The following HTATIP2 variants were observed in gnomAD, a reference collection of about 807,000 sequenced individuals.
HTATIP2 encodes the protein protein HTATIP2.
A neutral mutation model predicts 24.7 loss-of-function variants in HTATIP2; 26 were observed. That is an observed-to-expected ratio of 1.05 (90% CI 0.77 to 1.46). The LOEUF (loss-of-function observed/expected upper bound fraction) is 1.46, where lower values mean the gene tolerates loss of function less well. HTATIP2 is among the 40% of genes most tolerant of loss of function. HTATIP2 has a pLI of 0.00. For missense variants in HTATIP2, 284 were observed against 289.6 expected, an observed-to-expected ratio of 0.98 and a Z score of 0.14; for synonymous variants, 99 against 113.2, an observed-to-expected ratio of 0.87 and a Z score of 0.79.
rs1397983120 is a variant in HTATIP2, at chr11:20,383,099, G to A, written c.623G>A (p.Arg208Lys). ...GHSVPVVTVV[R>K]AMLNNVVRPR... is the part of the protein sequence containing the mutation. ...TCTGTGCCTGTGGTGACCGTGGTTA[G>A]AGCAATGCTGAACAATGTGGTGAGA... Residue 208 changes from arginine to lysine, a missense_variant, in exon 5 of 5, where the codon AGA (arginine) becomes AAA (lysine). By Grantham distance (26) the Arg-to-Lys change is conservative. Coordinates refer to ENST00000451739, the MANE Select transcript of HTATIP2 (RefSeq NM_001098522.2). 1 of 1,614,018 alleles carries A rather than the reference G, an allele frequency of 6.2e-7. No homozygotes were observed. The highest frequency in any genetic ancestry group is 8.5e-7 in the Non-Finnish European group (1 of 1,180,020).
intron 2 of HTATIP2, among the ~76,000 whole-genome samples, chr11:20,372,210 A>C (rs933893162): frequency 6.6e-6 from 1 of 152,148 alleles, no homozygotes; most frequent in African/African-American, 2.4e-5. Flanking sequence ...CAGCCTCCTG[A>C]GTAGCTGGGA....
chr11:20,367,537 A>G, intron 2 of HTATIP2: 2 of 1,429,228 alleles, frequency 1.4e-6, no homozygotes, highest in Non-Finnish European at 1.8e-6. Context: ...GCCTATTGTG[A>G]TTATCGCTAT....
intron 2 of HTATIP2, among the ~76,000 whole-genome samples, chr11:20,373,877 G>A (rs1351598241): frequency 6.6e-6 from 1 of 152,216 alleles, no homozygotes; most frequent in African/African-American, 2.4e-5. Flanking sequence ...AAATTGGTTT[G>A]CTTTACACTA....
chr11:20,372,789 T>C (rs1383240060), intron 2 of HTATIP2, among the ~76,000 whole-genome samples: 4 of 152,206 alleles, frequency 2.6e-5, no homozygotes, highest in Non-Finnish European at 4.4e-5. Flanking sequence ...ATAAAGGGCA[T>C]GAATAAGATT....
chr11:20,363,912 G>T lies in HTATIP2; in HGVS notation c.-326G>T. The T allele has an allele frequency of 8.0e-7, 1 of 1,242,822 alleles. No individual in the cohort carries two copies. The highest frequency in any genetic ancestry group is 4.0e-5 in the South Asian group (1 of 25,244). The allele number at this position is 1,242,822 out of a possible 1,614,324, so 77.0% of individuals were successfully genotyped here. A position where few individuals can be genotyped will look rare whatever the true frequency, so the allele number is the denominator to read the frequency against. On this transcript the variant is annotated 5_prime_UTR_variant, in exon 1 of 5. It adds an upstream start codon to the 5' untranslated region. Transcript: ENST00000451739. The stretch of plus-strand genomic sequence containing the variant: ...GACCCGGGGCCGGGGGCTGGCCCCA[G>T]GTAACCCCTCCGCGTATGGGACCGA...
chr11:20,369,741 T>G (rs1003502554), intron 2 of HTATIP2, among the ~76,000 whole-genome samples: 4 of 152,214 alleles, frequency 2.6e-5, no homozygotes, highest in Non-Finnish European at 5.9e-5. Flanking sequence ...CTATTTAGTA[T>G]GATCTCAACT....
chr11:20,371,869 C>A (rs1249683342), intron 2 of HTATIP2, among the ~76,000 whole-genome samples: 3 of 152,142 alleles, frequency 2.0e-5, no homozygotes, highest in Non-Finnish European at 4.4e-5. Flanking sequence ...ACTTCTCTAA[C>A]CAAGATCTTT....
In HTATIP2 at chr11:20,367,261, A is replaced by G; in HGVS notation, c.283A>G (p.Thr95Ala). The G allele has an allele frequency of 6.2e-7, 1 of 1,614,112 alleles. No individual in the cohort carries two copies. Among genetic ancestry groups the G allele is most frequent in the Non-Finnish European group, 8.5e-7 (1 of 1,180,030 alleles). ...TGTTGGATTCTGTTGCCTGGGTACCACCAGAGGGAAAGCTGGGGCGGTAAG... is the reference window on the plus strand; with the variant it reads ...TGTTGGATTCTGTTGCCTGGGTACCGCCAGAGGGAAAGCTGGGGCGGTAAG... ...HDVGFCCLGTTRGKAGAEGFV... is the reference protein window; with the variant it reads ...HDVGFCCLGTARGKAGAEGFV... Residue 95 changes from threonine to alanine, a missense_variant, in exon 2 of 5, where the codon ACC becomes GCC. Coordinates refer to ENST00000451739, the MANE Select transcript of HTATIP2 (RefSeq NM_001098522.2).
chr11:20,376,648 C>A lies in HTATIP2; in HGVS notation c.372C>A (p.Cys124Ter). 6.2e-7 allele frequency: 1 copy of A among 1,613,706 alleles called. No individual in the cohort carries two copies. Among genetic ancestry groups the A allele is most frequent in the African/African-American group, 1.3e-5 (1 of 75,004 alleles). The change falls in exon 3 of 5, where the codon TGC (cysteine) becomes TGA (stop). Residue 124 changes from cysteine to a stop codon, truncating the protein, a stop_gained. Coordinates refer to ENST00000451739, the MANE Select transcript of HTATIP2 (RefSeq NM_001098522.2). LOFTEE classifies it high-confidence loss of function. ...CAGAGCTGGCAAAAGCTGGAGGGTG[C>A]AAACATTTCAACTTGCTATCCTCTA... Reference protein sequence around the residue: ...KSAELAKAGGCKHFNLLSSKG... With the variant: ...KSAELAKAGG
At chr11:20,377,455 C>T (rs1848462965) in intron 3 of HTATIP2, among the ~76,000 whole-genome samples, 1 of 152,240 alleles carries the variant, frequency 6.6e-6, no homozygotes, top group Non-Finnish European at 1.5e-5. Flanking sequence ...TAGTACTATA[C>T]ATATCCCTGT....
At chr11:20,382,132 T>G in intron 3 of HTATIP2, 46 bp from the exon 4 acceptor site, 3 of 1,146,848 alleles carry the variant, frequency 2.6e-6, no homozygotes, top group Non-Finnish European at 4.0e-6. Context: ...TTCACACAGG[T>G]GAGCTGGTCG....
rs1359808477 is a variant in HTATIP2, at chr11:20,363,871, C to T, written c.-367C>T. ...CGGCTGCTCTGGCGGCCGCCCTGCT[C>T]CTGCTGCGTCGTGAGGACCCGGGGC... On this transcript the variant is annotated 5_prime_UTR_variant, in exon 1 of 5. Transcript: ENST00000451739. 19 of 1,244,148 alleles carry T rather than the reference C, an allele frequency of 1.5e-5. No individual in the cohort carries two copies. Among genetic ancestry groups the T allele is most frequent in the South Asian group, 8.0e-5 (2 of 25,140 alleles). The allele number at this position is 1,244,148 out of a possible 1,614,324, so 77.1% of individuals were successfully genotyped here.
At chr11:20,366,446 G>C (rs1228799347) in intron 1 of HTATIP2, among the ~76,000 whole-genome samples, 1 of 152,100 alleles carries the variant, frequency 6.6e-6, no homozygotes, top group Non-Finnish European at 1.5e-5. Flanking sequence ...AGAGTTGACA[G>C]TAAGGATGGA....
intron 1 of HTATIP2, among the ~76,000 whole-genome samples, chr11:20,366,250 T>C (rs1440935865): frequency 6.6e-6 from 1 of 151,414 alleles, no homozygotes; most frequent in Non-Finnish European, 1.5e-5. Flanking sequence ...TACAGGTGCC[T>C]ACCACCACAA....
At chr11:20,368,341 T>C (rs1497685) in intron 2 of HTATIP2, among the ~76,000 whole-genome samples, 141,532 of 152,248 alleles carry the variant, frequency 0.93, 65,908 homozygotes, top group South Asian at 0.99. Flanking sequence ...ATGTATTTCT[T>C]TGGGCCTCCT....
At chr11:20,369,071 TA>T (rs1008927003) in intron 2 of HTATIP2, among the ~76,000 whole-genome samples, 24 of 149,194 alleles carry the variant, frequency 1.6e-4, no homozygotes, top group South Asian at 4.2e-4. Context: ...TTGGGGGCTT[TA>T]AAAAAAAAAC....
chr11:20,367,953 C>T (rs904190595), intron 2 of HTATIP2, among the ~76,000 whole-genome samples: 4 of 152,134 alleles, frequency 2.6e-5, no homozygotes, highest in South Asian at 2.1e-4. Flanking sequence ...AATGTTAGTG[C>T]GGGTACATCT....
chr11:20,380,371 T>C (rs1223079243), intron 3 of HTATIP2, among the ~76,000 whole-genome samples: 1 of 151,968 alleles, frequency 6.6e-6, no homozygotes, highest in Non-Finnish European at 1.5e-5. Context: ...AAAACAAATC[T>C]TTTAAAAAGC....
At chr11:20,378,493 G>A (rs780094533) in intron 3 of HTATIP2, among the ~76,000 whole-genome samples, 1 of 152,010 alleles carries the variant, frequency 6.6e-6, no homozygotes, top group Non-Finnish European at 1.5e-5. Context: ...TGACACATGT[G>A]GGTTCTGAGA....
Sources: allele counts gnomAD v4.1 joint callset (sites outside exome capture counted in the v4.1 genomes callset), GRCh38; gene constraint gnomAD v4.1.1; transcripts MANE v1.5; gene names NCBI Gene and HGNC (gene_info 2026-07-23, HGNC 2026-07-21).